Variants in PLCL1 observed in about 807,000 individuals in gnomAD.
The protein encoded by PLCL1 is inactive phospholipase C-like protein 1.
A neutral mutation model predicts 84.4 loss-of-function variants in PLCL1; 41 were observed. That is an observed-to-expected ratio of 0.49 (90% CI 0.38 to 0.63). The LOEUF is 0.63. Among genes scored for constraint, PLCL1 ranks in the 30% least tolerant of loss-of-function variants. The pLI is 0.00. For missense variants in PLCL1, 1,206 were observed against 1,367.8 expected, an observed-to-expected ratio of 0.88 and a Z score of 1.87; for synonymous variants, 490 against 488.3, an observed-to-expected ratio of 1.00 and a Z score of -0.05.
At chr2:197,998,515 C>G (rs1334171450) in intron 1 of PLCL1, among the ~76,000 whole-genome samples, 1 of 152,032 alleles carries the variant, frequency 6.6e-6, no homozygotes, top group African/African-American at 2.4e-5. Context: ...CTGTTAGGTA[C>G]CAATGTATTT....
At chr2:198,070,811 T>C (rs1307963017) in intron 1 of PLCL1, among the ~76,000 whole-genome samples, 2 of 152,004 alleles carry the variant, frequency 1.3e-5, no homozygotes, top group Non-Finnish European at 2.9e-5. Context: ...AGTGTATCTA[T>C]TGTTCTGATA....
At chr2:198,090,553 A>T (rs372430706) in intron 3 of PLCL1, among the ~76,000 whole-genome samples, 8 of 152,216 alleles carry the variant, frequency 5.3e-5, no homozygotes, top group East Asian at 1.9e-4. Context: ...AAAAATTTCC[A>T]CAGGGCATGT....
intron 1 of PLCL1, among the ~76,000 whole-genome samples, chr2:197,921,101 T>A (rs145310532): frequency 1.3e-5 from 2 of 152,226 alleles, no homozygotes; most frequent in African/African-American, 4.8e-5. Flanking sequence ...GAATGCAGCA[T>A]GTTACTGTAC....
chr2:198,008,742 T>C (rs992745452), intron 1 of PLCL1, among the ~76,000 whole-genome samples: 1 of 152,032 alleles, frequency 6.6e-6, no homozygotes, highest in African/African-American at 2.4e-5. Context: ...TTGGATCATA[T>C]AGTAATTCTA....
At chr2:197,882,227 A>G (rs1450873332) in intron 1 of PLCL1, among the ~76,000 whole-genome samples, 1 of 152,134 alleles carries the variant, frequency 6.6e-6, no homozygotes, top group Non-Finnish European at 1.5e-5. Flanking sequence ...ATTACATGTA[A>G]TCACTGTATC....
chr2:198,096,929 A>G (rs1253064713), intron 3 of PLCL1, among the ~76,000 whole-genome samples: 1 of 152,190 alleles, frequency 6.6e-6, no homozygotes, highest in African/African-American at 2.4e-5. Flanking sequence ...TAACCAGTAT[A>G]TATTCAGCCT....
At position 198,084,840 on chromosome 2, in the gene PLCL1, C is replaced by T. The variant is rs1433754909; in HGVS notation, c.1323C>T (p.Ser441=). 7 of 1,613,882 alleles carry T rather than the reference C, an allele frequency of 4.3e-6. No homozygotes were observed. Among genetic ancestry groups the T allele is most frequent in the Non-Finnish European group, 5.1e-6 (6 of 1,179,884 alleles). Residue 441 remains serine (S), a synonymous_variant, in exon 2 of 6, where the codon AGC becomes AGT. Transcript: ENST00000428675. ...GAGCTTTGAAAATGGGCTGTCGAAG[C>T]GTTGAACTCGATGTAAGTGATGGTT... ...YIRALKMGCR[S]VELDVSDGSD...
intron 1 of PLCL1, among the ~76,000 whole-genome samples, chr2:197,858,958 G>T (rs1010703472): frequency 1.3e-5 from 2 of 152,120 alleles, no homozygotes; most frequent in African/African-American, 4.8e-5. Context: ...CTCTCTAGTG[G>T]ACTAGCTCAG....
At chr2:198,068,738 A>T (rs1016714627) in intron 1 of PLCL1, among the ~76,000 whole-genome samples, 1 of 152,224 alleles carries the variant, frequency 6.6e-6, no homozygotes, top group East Asian at 1.9e-4. Context: ...CCATTTAAAA[A>T]TTGCCACTGA....
chr2:198,138,881 C>T (rs556928957), intron 5 of PLCL1, among the ~76,000 whole-genome samples: 141 of 152,132 alleles, frequency 9.3e-4, no homozygotes, highest in Non-Finnish European at 1.7e-3. Context: ...TTTTGCTGGG[C>T]GTGGTGGCTC....
intron 1 of PLCL1, among the ~76,000 whole-genome samples, chr2:197,988,803 T>C (rs1390267630): frequency 6.6e-6 from 1 of 152,202 alleles, no homozygotes; most frequent in African/African-American, 2.4e-5. Context: ...CTCTGTACTG[T>C]TTTCCATACA....
intron 1 of PLCL1, among the ~76,000 whole-genome samples, chr2:197,975,408 A>G (rs1241608239): frequency 6.6e-6 from 1 of 152,122 alleles, no homozygotes; most frequent in Non-Finnish European, 1.5e-5. Context: ...AGGCTGTTAA[A>G]CTGCCAAAAT....
At chr2:197,810,266 G>T in intron 1 of PLCL1, 1 of 1,259,526 alleles carries the variant, frequency 7.9e-7, no homozygotes, top group Non-Finnish European at 1.0e-6. Context: ...TTATTGCAGG[G>T]TCTTTCTGAT....
intron 3 of PLCL1, among the ~76,000 whole-genome samples, chr2:198,100,708 C>T (rs543780266): frequency 1.3e-5 from 2 of 152,108 alleles, no homozygotes; most frequent in African/African-American, 4.8e-5. Flanking sequence ...TCAGAAGGAC[C>T]AGAACCTACT....
chr2:197,927,145 G>C (rs1430814736), intron 1 of PLCL1, among the ~76,000 whole-genome samples: 1 of 152,176 alleles, frequency 6.6e-6, no homozygotes, highest in Admixed American at 6.6e-5. Context: ...ATTTAGTCTA[G>C]TTCAGATTCA....
At chr2:198,108,067 C>A (rs1190277091) in intron 5 of PLCL1, among the ~76,000 whole-genome samples, 1 of 151,836 alleles carries the variant, frequency 6.6e-6, no homozygotes. Flanking sequence ...CTATACGATT[C>A]TTCCTTTAGT....
At chr2:198,103,287 T>C (rs1163152796) in intron 4 of PLCL1, among the ~76,000 whole-genome samples, 1 of 152,034 alleles carries the variant, frequency 6.6e-6, no homozygotes, top group Non-Finnish European at 1.5e-5. Context: ...AAAATTTTTT[T>C]TAATTTTTAA....
At chr2:197,910,108 A>G (rs1055175587) in intron 1 of PLCL1, among the ~76,000 whole-genome samples, 3 of 152,210 alleles carry the variant, frequency 2.0e-5, no homozygotes, top group Non-Finnish European at 4.4e-5. Flanking sequence ...TTAGGTGAGG[A>G]TTAAATGAGA....
At chr2:198,029,998 CCTTT>C (rs891689950) in intron 1 of PLCL1, among the ~76,000 whole-genome samples, 34 of 151,950 alleles carry the variant, frequency 2.2e-4, no homozygotes, top group African/African-American at 7.3e-4. Flanking sequence ...CAGTGCCAGG[CCTTT>C]CTTTCTTTTT....
Sources: gnomAD v4.1 joint callset for allele counts (sites outside exome capture counted in the v4.1 genomes callset) on GRCh38, gnomAD v4.1.1 for gene constraint, MANE v1.5 for transcripts, NCBI Gene and HGNC (gene_info 2026-07-23, HGNC 2026-07-21) for gene names.